Variants in BBS2 observed in about 807,000 individuals in gnomAD.
BBS2 encodes Bardet-Biedl syndrome 2, also known as BBSome complex member BBS2.
BBS2 carries 62 observed loss-of-function variants against 83.0 expected under a neutral mutation model. That is an observed-to-expected ratio of 0.75 (90% CI 0.61 to 0.92). BBS2 has a LOEUF of 0.92. Among genes scored for constraint, BBS2 ranks in the 40% least tolerant of loss-of-function variants. The pLI, the probability that BBS2 is intolerant of heterozygous loss-of-function variation, is 0.00. For missense variants in BBS2, 784 were observed against 901.0 expected (o/e 0.87, Z 1.66); for synonymous variants, 303 against 326.1 (o/e 0.93, Z 0.76).
exon 18 of BBS2, chr16:56,470,684 G>A: frequency 3.1e-6 from 5 of 1,613,836 alleles, no homozygotes; most frequent in Non-Finnish European, 4.2e-6. Context: ...GAAGGGACTA[G>A]CCATAGTCCT....
chr16:56,497,200 A>G, intron 14 of BBS2, 121 bp from the exon 15 acceptor site: 2 of 758,458 alleles, frequency 2.6e-6, no homozygotes, highest in Non-Finnish European at 4.8e-6. Context: ...CGCTTATACC[A>G]ATTAAGCTAC....
intron 12 of BBS2, chr16:56,498,821 C>T (rs1964184976): frequency 1.1e-6 from 1 of 898,914 alleles, no homozygotes; most frequent in Non-Finnish European, 1.6e-6. Context: ...TTATGCCTGG[C>T]CCCACAGCAG....
At chr16:56,481,136 CATT>C (rs1963655453), downstream of BBS2, among the ~76,000 whole-genome samples, 1 of 152,030 alleles carries the variant, frequency 6.6e-6, no homozygotes, top group African/African-American at 2.4e-5. Context: ...AAATTTGAAA[CATT>C]AATAACAATG....
At chr16:56,472,747 T>C (rs1963256430) in intron 17 of BBS2, among the ~76,000 whole-genome samples, 1 of 152,066 alleles carries the variant, frequency 6.6e-6, no homozygotes, top group African/African-American at 2.4e-5. Context: ...ATATGGGGGG[T>C]ATATTTTTAC....
chr16:56,472,962 C>T (rs552552597), intron 17 of BBS2, among the ~76,000 whole-genome samples: 3 of 152,182 alleles, frequency 2.0e-5, no homozygotes, highest in South Asian at 2.1e-4. Flanking sequence ...GACAGAGTCT[C>T]GCTCTGTTGC....
intron 2 of BBS2, among the ~76,000 whole-genome samples, chr16:56,511,846 G>A (rs1397083888): frequency 6.6e-6 from 1 of 152,176 alleles, no homozygotes; most frequent in Non-Finnish European, 1.5e-5. Flanking sequence ...AAGAAAAAAT[G>A]TGATCAGCTG....
intron 15 of BBS2, among the ~76,000 whole-genome samples, chr16:56,487,180 CAATT>C (rs1399646014): frequency 4.6e-5 from 7 of 151,286 alleles, no homozygotes; most frequent in South Asian, 2.1e-4. Context: ...AGTTATATAT[CAATT>C]AATTTGATTT....
chr16:56,473,634 G>T (rs1397084846), intron 17 of BBS2, among the ~76,000 whole-genome samples: 1 of 151,226 alleles, frequency 6.6e-6, no homozygotes, highest in African/African-American at 2.4e-5. Flanking sequence ...TATTCTTTAG[G>T]TGGAAATGGC....
At position 56,499,808 on chromosome 16, in the gene BBS2, AACAT is replaced by A; in HGVS notation, c.1493_1496del (p.Tyr498LeufsTer48). The A allele has an allele frequency of 1.2e-6, 2 of 1,614,220 alleles. No homozygotes were observed. The highest frequency in any genetic ancestry group is 1.7e-6 in the Non-Finnish European group (2 of 1,180,026). The stretch of plus-strand genomic sequence containing the variant: ...GTGCCCGTTCTGCAATGGTAAAGTT[AACAT>A]AACTGATTGGCTCACTGGCAGGGTC... On this transcript the variant is annotated frameshift_variant, in exon 12 of 17. Transcript: ENST00000245157. LOFTEE classifies it high-confidence loss of function.
rs1335300203 is a variant in BBS2 at position 56,519,815 on chromosome 16, G to C, written c.48C>G (p.Pro16=). The part of the protein sequence containing the change: ...FTLKLRHKIS[P]RMVAIGRYDG... ...CGTAGCGCCCTATGGCCACCATTCGGGGGCTGATTTTGTGGCGCAGTTTCA... is the reference window on the plus strand; with the variant it reads ...CGTAGCGCCCTATGGCCACCATTCGCGGGCTGATTTTGTGGCGCAGTTTCA... Residue 16 remains proline, a synonymous_variant, in exon 1 of 17, where the codon CCC becomes CCG. Transcript: ENST00000245157. 3 of 1,613,906 alleles carry C rather than the reference G, an allele frequency of 1.9e-6. No individual in the cohort carries two copies. Among genetic ancestry groups the C allele is most frequent in the Non-Finnish European group, 2.5e-6 (3 of 1,179,844 alleles).
At chr16:56,506,390 A>C (rs1248687683) in intron 5 of BBS2, among the ~76,000 whole-genome samples, 166 bp from the exon 6 acceptor site, 2 of 152,228 alleles carry the variant, frequency 1.3e-5, no homozygotes, top group African/African-American at 2.4e-5. Flanking sequence ...TCTACGATAC[A>C]TGTCATCTAC....
rs779506379 is a variant in BBS2 at position 56,500,852 on chromosome 16, A to G, written c.1397+2T>C. On this transcript the variant is annotated splice_donor_variant, in intron 11 of 16. Transcript: ENST00000245157. LOFTEE classifies it high-confidence loss of function. ...AATGAACTGTGACTTGCAAAGGGTC[A>G]CCTGCTTCTGTAACCCACGAATGCC... The G allele has an allele frequency of 6.2e-7, 1 of 1,613,978 alleles. No homozygotes were observed. The highest frequency in any genetic ancestry group is 2.2e-5 in the East Asian group (1 of 44,878).
rs1353085821 is a variant in BBS2, at chr16:56,497,209, A to G, written c.1798-130T>C. The G allele has an allele frequency of 4.1e-6, 3 of 730,424 alleles. No individual in the cohort carries two copies. The Admixed American group carries it at 5.8e-5, about 14-fold the overall frequency. The allele number at this position is 730,424 out of a possible 1,614,324, so 45.2% of individuals were successfully genotyped here. A position where few individuals can be genotyped will look rare whatever the true frequency, so the allele number is the denominator to read the frequency against. On this transcript the variant is annotated intron_variant, in intron 14 of 16. Transcript: ENST00000245157. ...CCTGTTCGCTTATACCAATTAAGCT[A>G]CTTCCCGTTATTTCATCTCTGTCTC...
chr16:56,510,184 C>T, intron 4 of BBS2, 150 bp from the exon 5 acceptor site: 2 of 701,178 alleles, frequency 2.9e-6, no homozygotes, highest in East Asian at 5.6e-5. Context: ...AGAAATGCTC[C>T]CTCTAATGGG....
At chr16:56,471,650 GACA>G (rs1485467043) in intron 17 of BBS2, among the ~76,000 whole-genome samples, 3 of 152,220 alleles carry the variant, frequency 2.0e-5, no homozygotes, top group African/African-American at 7.2e-5. Context: ...GGAGAGCAGA[GACA>G]AGGGGTGGAT....
intron 17 of BBS2, among the ~76,000 whole-genome samples, chr16:56,475,229 T>C (rs1963403356): frequency 6.6e-6 from 1 of 152,230 alleles, no homozygotes; most frequent in Admixed American, 6.5e-5. Flanking sequence ...ATTGCCCTTC[T>C]GGGAATATTT....
At chr16:56,470,657 C>A in exon 18 of BBS2, 1 of 1,614,142 alleles carries the variant, frequency 6.2e-7, no homozygotes, top group Non-Finnish European at 8.5e-7. Context: ...GAGGCAGAAA[C>A]CACTGATATC....
At chr16:56,490,922 C>T (rs1359525817) in intron 15 of BBS2, among the ~76,000 whole-genome samples, 8 of 151,688 alleles carry the variant, frequency 5.3e-5, no homozygotes, top group Admixed American at 2.0e-4. Flanking sequence ...CCACCACGAC[C>T]GGCTGATTTT....
At chr16:56,519,486 TA>T in intron 1 of BBS2, 1 of 498,078 alleles carries the variant, frequency 2.0e-6, no homozygotes. Flanking sequence ...GTCTCTTTTC[TA>T]AGCTCCCTAT....
Sources: gnomAD v4.1 joint callset for allele counts (sites outside exome capture counted in the v4.1 genomes callset) on GRCh38, gnomAD v4.1.1 for gene constraint, MANE v1.5 for transcripts, NCBI Gene and HGNC (gene_info 2026-07-23, HGNC 2026-07-21) for gene names.